Variants in AMELX observed in about 807,000 individuals in gnomAD.
AMELX encodes amelogenin, X isoform.
In AMELX, 9 loss-of-function variants were observed where a neutral mutation model predicts 15.8. The ratio of observed to expected loss-of-function variants is 0.57; its 90% CI spans 0.34 to 0.99. The LOEUF is 0.99. AMELX is among the 50% of genes least tolerant of loss of function. The pLI, the probability that AMELX is intolerant of heterozygous loss-of-function variation, is 0.02. For synonymous variants in AMELX, 61 were observed against 58.8 expected (o/e 1.04, Z -0.17); for missense variants, 107 against 156.2 (o/e 0.68, Z 1.68).
downstream of AMELX, among the ~76,000 whole-genome samples, chrX:11,301,971 C>T (rs1053689939): frequency 8.9e-6 from 1 of 112,092 alleles, no homozygotes; most frequent in South Asian, 3.7e-4. Context: ...CATTCAGCCA[C>T]GGTTTCCAAA....
At chrX:11,293,675 CA>C (rs2048032585) in intron 1 of AMELX, among the ~76,000 whole-genome samples, 1 of 111,462 alleles carries the variant, frequency 9.0e-6, no homozygotes, top group African/African-American at 3.3e-5. Context: ...TGTCTAATTC[CA>C]AAGGTCTTTC....
At chrX:11,306,606 A>C in the AMELX span, among the ~76,000 whole-genome samples, 2 of 112,766 alleles carry the variant, frequency 1.8e-5, no homozygotes, top group African/African-American at 6.5e-5. Flanking sequence ...TTTAAATTTT[A>C]ACAAGAAGTT....
chrX:11,300,633 G>A lies in AMELX; in HGVS notation c.*21G>A, dbSNP rs868271285. On this transcript the variant is annotated 3_prime_UTR_variant, in exon 6 of 6. Transcript: ENST00000380714. ...ATTAAAAGATCAGAAGATGAGAGGG[G>A]AATGAATACTTCAGATGCTTTCAGG... 1 of 1,192,013 alleles carries A rather than the reference G, an allele frequency of 8.4e-7. No homozygotes were observed. The highest frequency in any genetic ancestry group is 1.1e-6 in the Non-Finnish European group (1 of 879,251).
chrX:11,293,669 TA>T (rs2048032489), intron 1 of AMELX, among the ~76,000 whole-genome samples: 1 of 112,184 alleles, frequency 8.9e-6, no homozygotes, highest in African/African-American at 3.2e-5. Context: ...AGTGCTTGTC[TA>T]ATTCCAAAGG....
chrX:11,294,243 T>G (rs1269146720), intron 1 of AMELX, among the ~76,000 whole-genome samples: 2 of 106,520 alleles, frequency 1.9e-5, no homozygotes, highest in Non-Finnish European at 4.0e-5. Context: ...TGAAGTTCTG[T>G]AGATAGGAAT....
chrX:11,294,044 A>AT (rs2048040811), intron 1 of AMELX, among the ~76,000 whole-genome samples: 1 of 112,629 alleles, frequency 8.9e-6, no homozygotes, highest in South Asian at 3.6e-4. Context: ...GGTCTTATTT[A>AT]TAGAATAATT....
intron 3 of AMELX, among the ~76,000 whole-genome samples, chrX:11,297,750 T>G (rs2048110420): frequency 8.9e-6 from 1 of 112,374 alleles, no homozygotes; most frequent in South Asian, 3.7e-4. Context: ...GATCAGTCAA[T>G]CTGTGTTTCT....
the AMELX span, among the ~76,000 whole-genome samples, chrX:11,307,228 A>C: frequency 9.0e-6 from 1 of 111,039 alleles, no homozygotes; most frequent in Admixed American, 9.6e-5. Flanking sequence ...CTCAACGCAT[A>C]CAGAAAGCCC....
chrX:11,299,139 C>T (rs149205639), intron 5 of AMELX, among the ~76,000 whole-genome samples, 166 bp downstream of exon 5: 1,662 of 111,934 alleles, frequency 0.015, 26 homozygotes, highest in African/African-American at 0.051. Flanking sequence ...ATGTTAAAGA[C>T]AAATTCCTCT....
downstream of AMELX, among the ~76,000 whole-genome samples, chrX:11,305,310 G>C (rs1388731245): frequency 8.9e-6 from 1 of 111,895 alleles, no homozygotes; most frequent in African/African-American, 3.3e-5. Flanking sequence ...TAAAAGCCCA[G>C]ATTTCACCAC....
chrX:11,300,624 A>G lies in AMELX; in HGVS notation c.*12A>G, dbSNP rs1381852456. On this transcript the variant is annotated 3_prime_UTR_variant, in exon 6 of 6. Transcript: ENST00000380714. ...TTTTTCAGGATTAAAAGATCAGAAG[A>G]TGAGAGGGGAATGAATACTTCAGAT... is the stretch of plus-strand genomic sequence containing the variant. The G allele has an allele frequency of 5.0e-6, 6 of 1,193,669 alleles. No individual in the cohort carries two copies. The highest frequency in any genetic ancestry group is 6.8e-6 in the Non-Finnish European group (6 of 881,279).
At chrX:11,293,527 C>T (rs994510384) in intron 1 of AMELX, 59 bp downstream of exon 1, 25 of 111,878 alleles carry the variant, frequency 2.2e-4, no homozygotes, top group Non-Finnish European at 4.1e-4. Context: ...TCTTTCTCTG[C>T]ATTTCTTTTA....
At chrX:11,306,961 G>C in the AMELX span, among the ~76,000 whole-genome samples, 23 of 111,488 alleles carry the variant, frequency 2.1e-4, no homozygotes, top group Non-Finnish European at 1.7e-4. Flanking sequence ...TATCCCCTAC[G>C]CTAGGACAAC....
chrX:11,295,822 A>C (rs1259532737), intron 2 of AMELX, among the ~76,000 whole-genome samples: 1 of 111,844 alleles, frequency 8.9e-6, no homozygotes, highest in East Asian at 2.8e-4. Flanking sequence ...AAACCTTCCC[A>C]TGAAATGTGA....
At chrX:11,307,182 G>A in the AMELX span, among the ~76,000 whole-genome samples, 5 of 110,574 alleles carry the variant, frequency 4.5e-5, no homozygotes, top group Admixed American at 2.9e-4. Context: ...TTGGCCCTCC[G>A]CTATCTTCCT....
At position 11,300,558 on chromosome X, in the gene AMELX, T is replaced by G. The variant is rs771336026; in HGVS notation, c.571-49T>G. 6 of 1,083,658 alleles carry G rather than the reference T, an allele frequency of 5.5e-6. No individual in the cohort carries two copies. The African/African-American group carries it at 1.1e-4, about 20-fold the overall frequency. The allele number at this position is 1,083,658 out of a possible 1,213,427, so 89.3% of individuals were successfully genotyped here. On this transcript the variant is annotated intron_variant, in intron 5 of 5. Coordinates refer to ENST00000380714, the MANE Select transcript of AMELX (RefSeq NM_001142.2). ...ACATGTTATTGTAAATGGTACTCAC[T>G]AGGAACATTTGTAAATTATTTTAAC...
At chrX:11,295,610 C>T (rs995516281) in intron 2 of AMELX, among the ~76,000 whole-genome samples, 2 of 110,924 alleles carry the variant, frequency 1.8e-5, no homozygotes, top group South Asian at 7.7e-4. Flanking sequence ...CAAGCTTGCA[C>T]CCTTGCCTCC....
chrX:11,296,164 C>T, intron 2 of AMELX, among the ~76,000 whole-genome samples: 1 of 112,693 alleles, frequency 8.9e-6, no homozygotes, highest in East Asian at 2.8e-4. Flanking sequence ...CTTGTTCTGG[C>T]ATTCATCAAT....
chrX:11,293,541 G>T (rs1435135163), intron 1 of AMELX, 73 bp downstream of exon 1: 2 of 111,639 alleles, frequency 1.8e-5, no homozygotes, highest in Admixed American at 9.5e-5. Flanking sequence ...TCTTTTAAAA[G>T]ATATAAATGT....
Sources: gnomAD v4.1 joint callset for allele counts (sites outside exome capture counted in the v4.1 genomes callset) on GRCh38, gnomAD v4.1.1 for gene constraint, MANE v1.5 for transcripts, NCBI Gene and HGNC (gene_info 2026-07-23, HGNC 2026-07-21) for gene names.